Variants in SIK3 observed in about 807,000 individuals in gnomAD.
SIK3 encodes the protein serine/threonine-protein kinase SIK3.
In SIK3, 28 loss-of-function variants were observed where a neutral mutation model predicts 144.2. The ratio of observed to expected loss-of-function variants is 0.19; its 90% CI spans 0.14 to 0.27. The LOEUF (loss-of-function observed/expected upper bound fraction) is 0.27. Among genes scored for constraint, SIK3 ranks in the 10% least tolerant of loss-of-function variants. The pLI is 1.00. For missense variants in SIK3, 1,319 were observed against 1,776.0 expected (o/e 0.74, Z 4.62); for synonymous variants, 686 against 676.3 (o/e 1.01, Z -0.22).
intron 1 of SIK3, among the ~76,000 whole-genome samples, chr11:116,964,682 A>G (rs11826038): frequency 0.069 from 10,478 of 152,124 alleles, 556 homozygotes; most frequent in African/African-American, 0.15. Flanking sequence ...GGAGCTCGAG[A>G]CCAGCCTGGC....
At chr11:116,981,693 A>G (rs983032812) in intron 1 of SIK3, among the ~76,000 whole-genome samples, 3 of 152,190 alleles carry the variant, frequency 2.0e-5, no homozygotes, top group African/African-American at 4.8e-5. Context: ...AACTTCCTCT[A>G]TTAAAAGTCT....
chr11:117,013,908 G>C (rs1248789348), intron 1 of SIK3, among the ~76,000 whole-genome samples: 1 of 61,614 alleles, frequency 1.6e-5, no homozygotes. Flanking sequence ...GAGGGGGGGG[G>C]GGGGAGGGTG....
At chr11:116,974,815 T>C (rs1340123565) in intron 1 of SIK3, among the ~76,000 whole-genome samples, 1 of 152,112 alleles carries the variant, frequency 6.6e-6, no homozygotes, top group African/African-American at 2.4e-5. Flanking sequence ...GGGAAATCGG[T>C]TTTCTCAATT....
At chr11:116,945,380 CTTTTTTTTT>C (rs35915801) in intron 3 of SIK3, among the ~76,000 whole-genome samples, 7 of 95,406 alleles carry the variant, frequency 7.3e-5, no homozygotes, top group African/African-American at 1.3e-4. Context: ...TTCATGAATT[CTTTTTTTTT>C]TTTTTTTTTT....
rs1323774326 is a variant in SIK3, at chr11:117,089,061, G to A, written c.273+9082C>T. Among the ~76,000 whole-genome samples the A allele has an allele frequency of 2.0e-5, 3 of 151,836 alleles. No homozygotes were observed. The East Asian group carries it at 5.8e-4, about 29-fold the overall frequency. ...GTCAAAGCACTGTCAGAAAATAAAC[G>A]GCATCTAGCACTTGGACTAATCCAG... On this transcript the variant is annotated intron_variant, in intron 1 of 24. Transcript: ENST00000445177.
At chr11:116,920,949 T>C (rs144093368) in intron 4 of SIK3, among the ~76,000 whole-genome samples, 94 of 152,370 alleles carry the variant, frequency 6.2e-4, no homozygotes, top group African/African-American at 1.9e-3. Context: ...ACATGCCTTG[T>C]AACATCTCTT....
intron 1 of SIK3, among the ~76,000 whole-genome samples, chr11:117,009,212 G>A (rs1322988629): frequency 4.9e-5 from 7 of 143,740 alleles, no homozygotes; most frequent in Non-Finnish European, 1.0e-4. Context: ...CAGCCTGGGC[G>A]ACAGAGTGAG....
In SIK3 at chr11:116,992,315, ACCC is replaced by A. The variant is rs201865103; in HGVS notation, c.274-35254_274-35252del. 2.4e-3 allele frequency among the ~76,000 whole-genome samples: 280 copies of A among 117,840 alleles called. 3 individuals carry two copies. The highest frequency in any genetic ancestry group is 8.4e-3 in the Middle Eastern group (2 of 238). The allele number at this position is 117,840 out of a possible 152,430, so 77.3% of individuals were successfully genotyped here. A position where few individuals can be genotyped will look rare whatever the true frequency, so the allele number is the denominator to read the frequency against. Reference sequence around the variant, plus strand: ...ACTCCAGCCTGGGCAACAGAGCAAGACCCCCCCCCCCAAAAAAAAACACCTCAT... The same window carrying A: ...ACTCCAGCCTGGGCAACAGAGCAAGACCCCCCCCAAAAAAAAACACCTCAT... On this transcript the variant is annotated intron_variant, in intron 1 of 24. Transcript: ENST00000445177.
At chr11:116,944,427 AG>A (rs1736383667) in intron 3 of SIK3, among the ~76,000 whole-genome samples, 1 of 151,900 alleles carries the variant, frequency 6.6e-6, no homozygotes, top group Admixed American at 6.6e-5. Flanking sequence ...TTGGGTCACG[AG>A]CATCAGTTGA....
At chr11:117,071,090 G>C (rs1954257920) in intron 1 of SIK3, among the ~76,000 whole-genome samples, 1 of 151,872 alleles carries the variant, frequency 6.6e-6, no homozygotes, top group South Asian at 2.1e-4. Context: ...TAAAAAGCAA[G>C]GCATTATCTC....
intron 1 of SIK3, among the ~76,000 whole-genome samples, chr11:117,050,554 C>G (rs867540039): frequency 4.0e-4 from 60 of 151,124 alleles, no homozygotes; most frequent in African/African-American, 1.4e-3. Flanking sequence ...GGCGTGGTGG[C>G]ACACGCCTGT....
intron 3 of SIK3, among the ~76,000 whole-genome samples, chr11:116,948,856 A>G (rs1437313463): frequency 1.3e-5 from 2 of 152,096 alleles, no homozygotes; most frequent in East Asian, 1.9e-4. Context: ...AAGCAAGCAG[A>G]AAGAAGGAAA....
chr11:116,890,809 G>A (rs568904230), intron 6 of SIK3, among the ~76,000 whole-genome samples: 1 of 152,130 alleles, frequency 6.6e-6, no homozygotes, highest in African/African-American at 2.4e-5. Context: ...AACAGAACTT[G>A]TTCAGGGAAC....
chr11:116,984,270 C>T (rs1012946886), intron 1 of SIK3, among the ~76,000 whole-genome samples: 1 of 152,086 alleles, frequency 6.6e-6, no homozygotes, highest in Admixed American at 6.6e-5. Context: ...GCTATTTTGG[C>T]TATTAGTAGG....
rs1054491025 is a variant in SIK3, at chr11:117,018,022, C to T, written c.274-60958G>A. On this transcript the variant is annotated intron_variant, in intron 1 of 24. Transcript: ENST00000445177. ...CTTTTCATTTAGGATTTGGAAAACACGATGTCCCTAAATTGGTATAAAATC... is the reference window on the plus strand; with the variant it reads ...CTTTTCATTTAGGATTTGGAAAACATGATGTCCCTAAATTGGTATAAAATC... Among the ~76,000 whole-genome samples, 4 of 151,994 alleles carry T rather than the reference C, an allele frequency of 2.6e-5. No homozygotes were observed. In the South Asian group the frequency reaches 6.2e-4, roughly 24 times the overall value.
chr11:116,982,015 G>A (rs929171793), intron 1 of SIK3, among the ~76,000 whole-genome samples: 1 of 152,158 alleles, frequency 6.6e-6, no homozygotes, highest in Non-Finnish European at 1.5e-5. Flanking sequence ...GTCTGCTTAG[G>A]CAATCACATG....
chr11:116,928,992 G>A (rs1947442925), intron 3 of SIK3, among the ~76,000 whole-genome samples: 1 of 152,128 alleles, frequency 6.6e-6, no homozygotes, highest in Non-Finnish European at 1.5e-5. Context: ...AGCTTTCCCT[G>A]GGAGGTCAGA....
At position 117,012,849 on chromosome 11, in the gene SIK3, CTTTTTTTTT is replaced by C. The variant is rs10652499; in HGVS notation, c.274-55794_274-55786del. ...AGGGTTTTTTTTTTTGCCATTACTG[CTTTTTTTTT>C]TTTTTTTTTTTGAGACAGAGTCTCG... On this transcript the variant is annotated intron_variant, in intron 1 of 24. Transcript: ENST00000445177. 5.1e-4 allele frequency among the ~76,000 whole-genome samples: 49 copies of C among 96,104 alleles called. 2 individuals are homozygous for C. The highest frequency in any genetic ancestry group is 2.0e-3 in the African/African-American group (49 of 23,980). 63.0% of individuals were successfully genotyped at this position (96,104 alleles called of 152,430 possible).
chr11:116,896,559 G>C (rs1465226442), intron 5 of SIK3, among the ~76,000 whole-genome samples, 183 bp from the exon 6 acceptor site: 1 of 152,190 alleles, frequency 6.6e-6, no homozygotes, highest in Non-Finnish European at 1.5e-5. Flanking sequence ...GTAACATCCT[G>C]AATTTTTCTC....
Sources: gnomAD v4.1 joint callset for allele counts (sites outside exome capture counted in the v4.1 genomes callset) on GRCh38, gnomAD v4.1.1 for gene constraint, MANE v1.5 for transcripts, NCBI Gene and HGNC (gene_info 2026-07-23, HGNC 2026-07-21) for gene names.